FIG4: variants seen among roughly 807,000 people sequenced by gnomAD.
The protein encoded by FIG4 is FIG4 phosphoinositide 5-phosphatase.
A neutral mutation model predicts 118.6 loss-of-function variants in FIG4; 112 were observed. The ratio of observed to expected loss-of-function variants is 0.94; its 90% CI spans 0.81 to 1.11. The LOEUF (loss-of-function observed/expected upper bound fraction) is 1.11, where lower values mean the gene tolerates loss of function less well. Ranked by LOEUF, FIG4 falls within the 50% of genes least tolerant of loss-of-function variation. The pLI is 0.00. For synonymous variants in FIG4, 369 were observed against 381.2 expected (o/e 0.97, Z 0.37); for missense variants, 969 against 1,111.7 (o/e 0.87, Z 1.83).
At chr6:109,780,149 C>A (rs1488976660) in intron 16 of FIG4, among the ~76,000 whole-genome samples, 3 of 152,214 alleles carry the variant, frequency 2.0e-5, no homozygotes, top group African/African-American at 7.2e-5. Context: ...ACAGCTTTCT[C>A]TGAGAATCAG....
chr6:109,702,412 A>AAG (rs1159673222), intron 1 of FIG4, among the ~76,000 whole-genome samples: 1 of 152,226 alleles, frequency 6.6e-6, no homozygotes, highest in Non-Finnish European at 1.5e-5. Context: ...TAACTTTCAG[A>AAG]AGAGAGCCAG....
chr6:109,713,124 A>G (rs2128380881), intron 1 of FIG4, among the ~76,000 whole-genome samples: 1 of 152,284 alleles, frequency 6.6e-6, no homozygotes, highest in South Asian at 2.1e-4. Flanking sequence ...GCCAACGTGT[A>G]GTGACTGCTG....
chr6:109,796,900 C>G (rs1778304583), intron 22 of FIG4, 49 bp downstream of exon 22: 1 of 1,053,050 alleles, frequency 9.5e-7, no homozygotes. Context: ...TCATGCCACT[C>G]ATAGGGCTTT....
intron 4 of FIG4, among the ~76,000 whole-genome samples, 167 bp from the exon 5 acceptor site, chr6:109,732,470 A>C (rs1776030597): frequency 6.6e-6 from 1 of 152,356 alleles, no homozygotes; most frequent in East Asian, 1.9e-4. Flanking sequence ...AGGGATGATC[A>C]ATAGACCTAG....
chr6:109,722,480 A>G (rs1775640515), intron 3 of FIG4, among the ~76,000 whole-genome samples: 1 of 152,232 alleles, frequency 6.6e-6, no homozygotes, highest in East Asian at 1.9e-4. Context: ...ACAGAGCACC[A>G]GGATCCTAGC....
intron 22 of FIG4, among the ~76,000 whole-genome samples, chr6:109,813,216 G>A (rs1778768992): frequency 6.6e-6 from 1 of 152,032 alleles, no homozygotes; most frequent in Non-Finnish European, 1.5e-5. Flanking sequence ...CCTCCCCACT[G>A]CCAATCATTT....
At chr6:109,707,365 GTA>G (rs3060839) in intron 1 of FIG4, among the ~76,000 whole-genome samples, 1,477 of 11,356 alleles carry the variant, frequency 0.13, 25 homozygotes, top group African/African-American at 0.36. Context: ...ATATATACGT[GTA>G]TATATATATA....
intron 20 of FIG4, 37 bp from the exon 21 acceptor site, chr6:109,792,545 T>G (rs574452582): frequency 1.5e-6 from 2 of 1,304,118 alleles, no homozygotes; most frequent in South Asian, 1.2e-5. Flanking sequence ...TGTCTAAAAA[T>G]TCTTCCTGGT....
In FIG4 at chr6:109,749,055, CTGTGTGTGTG is replaced by C. The variant is rs113357544; in HGVS notation, c.1137+5323_1137+5332del. On this transcript the variant is annotated intron_variant, in intron 10 of 22. Transcript: ENST00000230124. ...CTACATGCATGGGCTCAAAGGAGCT[CTGTGTGTGTG>C]TGTGTGTGTGTGTGTGTGTGTGTGT... Among the ~76,000 whole-genome samples the C allele has an allele frequency of 8.0e-3, 1,059 of 132,450 alleles. 8 individuals carry two copies. The highest frequency in any genetic ancestry group is 9.4e-3 in the Non-Finnish European group (591 of 63,110). The allele number at this position is 132,450 out of a possible 152,430, so 86.9% of individuals were successfully genotyped here.
Position 109,785,586 on chromosome 6 carries a change from A to G in FIG4, c.1948+558A>G, listed in dbSNP as rs1269648385. The G allele has an allele frequency of 1.8e-5, 8 of 449,842 alleles. No homozygotes were observed. The East Asian group carries it at 3.5e-4, about 20-fold the overall frequency. The allele number at this position is 449,842 out of a possible 1,614,324, so 27.9% of individuals were successfully genotyped here. The stretch of plus-strand genomic sequence containing the variant: ...AGAATGATGTTTCCAAATTTAAATA[A>G]TTGCCAAATTTTAAATAAAGCTTAG... On this transcript the variant is annotated intron_variant, in intron 17 of 22. Transcript: ENST00000230124.
chr6:109,767,887 A>AT (rs1429803914), intron 15 of FIG4, among the ~76,000 whole-genome samples: 1 of 152,056 alleles, frequency 6.6e-6, no homozygotes, highest in Non-Finnish European at 1.5e-5. Flanking sequence ...GAAAAAAAAA[A>AT]GGTCCTTAGG....
At chr6:109,775,026 A>G (rs1484593289) in intron 15 of FIG4, among the ~76,000 whole-genome samples, 1 of 152,220 alleles carries the variant, frequency 6.6e-6, no homozygotes, top group Non-Finnish European at 1.5e-5. Flanking sequence ...ATTTAAATGT[A>G]GTCAGTAGTA....
At chr6:109,699,088 T>A (rs1774822875) in intron 1 of FIG4, among the ~76,000 whole-genome samples, 1 of 152,220 alleles carries the variant, frequency 6.6e-6, no homozygotes, top group Non-Finnish European at 1.5e-5. Context: ...AGTGAAAGAT[T>A]TGTGAATAGA....
At chr6:109,816,323 A>T (rs1172964086) in intron 22 of FIG4, among the ~76,000 whole-genome samples, 1 of 152,132 alleles carries the variant, frequency 6.6e-6, no homozygotes, top group East Asian at 1.9e-4. Context: ...TCTTAGGAAA[A>T]CTCTGAAAAG....
chr6:109,806,809 A>G (rs1162417704), intron 22 of FIG4, among the ~76,000 whole-genome samples: 1 of 151,794 alleles, frequency 6.6e-6, no homozygotes, highest in Non-Finnish European at 1.5e-5. Flanking sequence ...CCCTGTGTCC[A>G]TGTGTTCTCA....
intron 22 of FIG4, among the ~76,000 whole-genome samples, chr6:109,822,555 A>G (rs769219382): frequency 4.9e-4 from 75 of 152,006 alleles, no homozygotes; most frequent in Non-Finnish European, 9.6e-4. Flanking sequence ...ATAACAGTGT[A>G]AAAAAACAGT....
At chr6:109,698,277 G>A (rs1184447893) in intron 1 of FIG4, among the ~76,000 whole-genome samples, 2 of 151,832 alleles carry the variant, frequency 1.3e-5, no homozygotes, top group Non-Finnish European at 2.9e-5. Context: ...AAATCAGGAA[G>A]TTTTCCAACT....
At chr6:109,816,377 CAAGT>C (rs1778863185) in intron 22 of FIG4, among the ~76,000 whole-genome samples, 1 of 152,190 alleles carries the variant, frequency 6.6e-6, no homozygotes, top group South Asian at 2.1e-4. Flanking sequence ...TCATCAAAAA[CAAGT>C]AAAGCCTGAG....
At chr6:109,747,709 G>C (rs1389360024) in intron 10 of FIG4, among the ~76,000 whole-genome samples, 1 of 152,152 alleles carries the variant, frequency 6.6e-6, no homozygotes, top group African/African-American at 2.4e-5. Context: ...GTATGACACA[G>C]GAGAGAAAAG....
Sources: gnomAD v4.1 joint callset for allele counts (sites outside exome capture counted in the v4.1 genomes callset) on GRCh38, gnomAD v4.1.1 for gene constraint, MANE v1.5 for transcripts, NCBI Gene and HGNC (gene_info 2026-07-23, HGNC 2026-07-21) for gene names.